The following DPP6 variants were observed in gnomAD, a reference collection of about 807,000 sequenced individuals.
DPP6 encodes the protein A-type potassium channel modulatory protein DPP6.
Under a neutral mutation model 122.6 loss-of-function variants are expected in DPP6, and 69 were observed. The ratio of observed to expected loss-of-function variants is 0.56; its 90% CI spans 0.46 to 0.69. The LOEUF (loss-of-function observed/expected upper bound fraction) is 0.69. Among genes scored for constraint, DPP6 ranks in the 30% least tolerant of loss-of-function variants. The pLI is 0.00. For missense variants in DPP6, 928 were observed against 1,116.9 expected (o/e 0.83, Z 2.41); for synonymous variants, 418 against 433.1 (o/e 0.97, Z 0.43).
intron 1 of DPP6, among the ~76,000 whole-genome samples, chr7:154,394,540 CT>C (rs1255223604): frequency 6.6e-6 from 1 of 151,704 alleles, no homozygotes; most frequent in African/African-American, 2.4e-5. Context: ...TGTGGGTTGC[CT>C]TTTTATTCTA....
chr7:154,442,594 G>A (rs954267668), intron 1 of DPP6, among the ~76,000 whole-genome samples: 1 of 152,180 alleles, frequency 6.6e-6, no homozygotes, highest in Admixed American at 6.5e-5. Flanking sequence ...TATGAGCGGA[G>A]TAGGGTAGAA....
the DPP6 span, among the ~76,000 whole-genome samples, chr7:153,822,067 C>CCAAGTTAG: frequency 6.6e-6 from 1 of 151,880 alleles, no homozygotes; most frequent in Non-Finnish European, 1.5e-5. Flanking sequence ...TGGCTTATGC[C>CCAAGTTAG]CAAGTTAGCA....
At chr7:153,999,008 G>A (rs1276774578) in intron 1 of DPP6, among the ~76,000 whole-genome samples, 2 of 152,344 alleles carry the variant, frequency 1.3e-5, no homozygotes, top group African/African-American at 2.4e-5. Flanking sequence ...GTGACTTAAC[G>A]TGGCTGGCCG....
intron 1 of DPP6, among the ~76,000 whole-genome samples, chr7:154,306,676 G>A (rs1806375606): frequency 6.6e-6 from 1 of 152,148 alleles, no homozygotes; most frequent in African/African-American, 2.4e-5. Context: ...CCCATTTATC[G>A]ATAAAAGGGG....
At chr7:154,327,999 G>C (rs1425385001) in intron 1 of DPP6, among the ~76,000 whole-genome samples, 1 of 152,144 alleles carries the variant, frequency 6.6e-6, no homozygotes, top group African/African-American at 2.4e-5. Context: ...AGTGCATTTG[G>C]AGTTTGTTTC....
At chr7:154,570,437 C>A (rs1020845658) in intron 5 of DPP6, among the ~76,000 whole-genome samples, 1 of 151,686 alleles carries the variant, frequency 6.6e-6, no homozygotes, top group Non-Finnish European at 1.5e-5. Context: ...CCTATCTGTC[C>A]CCACCTCAGA....
intron 5 of DPP6, among the ~76,000 whole-genome samples, chr7:154,633,833 A>AT (rs1327928140): frequency 6.6e-6 from 1 of 151,980 alleles, no homozygotes; most frequent in African/African-American, 2.4e-5. Flanking sequence ...CCACTTCCCC[A>AT]TTTTTTAAGA....
intron 1 of DPP6, among the ~76,000 whole-genome samples, chr7:153,919,027 C>T (rs1800511693): frequency 6.7e-6 from 1 of 149,826 alleles, no homozygotes; most frequent in Admixed American, 6.7e-5. Context: ...TCAGAACTAT[C>T]CTGTGTGCCT....
chr7:154,490,379 G>T (rs369716410), intron 3 of DPP6, among the ~76,000 whole-genome samples: 1 of 152,170 alleles, frequency 6.6e-6, no homozygotes, highest in Non-Finnish European at 1.5e-5. Flanking sequence ...TCCAAAGCAC[G>T]CAGCCCTCCT....
At chr7:154,419,555 A>G (rs1276929003) in intron 1 of DPP6, among the ~76,000 whole-genome samples, 5 of 152,122 alleles carry the variant, frequency 3.3e-5, no homozygotes, top group Non-Finnish European at 7.4e-5. Flanking sequence ...TGTGCACTTC[A>G]CCAGCGACCT....
rs759823409 is a variant in DPP6, at chr7:154,860,645, C to T, written c.1714+6818C>T. ...TGGCGAAGCATCATACAGAATCCTACAGCCTGTGGCCCTCAAAACCTGGGT... is the reference window on the plus strand; with the variant it reads ...TGGCGAAGCATCATACAGAATCCTATAGCCTGTGGCCCTCAAAACCTGGGT... On this transcript the variant is annotated intron_variant, in intron 17 of 25. Transcript: ENST00000377770. Among the ~76,000 whole-genome samples, 67 of 152,242 alleles carry T rather than the reference C, an allele frequency of 4.4e-4. 1 individual carries two copies. The highest frequency in any genetic ancestry group is 3.4e-4 in the Non-Finnish European group (23 of 68,036).
chr7:154,233,880 C>G (rs1343268541), intron 1 of DPP6, among the ~76,000 whole-genome samples: 1 of 152,150 alleles, frequency 6.6e-6, no homozygotes, highest in African/African-American at 2.4e-5. Context: ...CTTGCATGCA[C>G]AACAGGTATG....
chr7:154,307,897 A>G (rs1806500589), intron 1 of DPP6, among the ~76,000 whole-genome samples: 1 of 148,958 alleles, frequency 6.7e-6, no homozygotes, highest in African/African-American at 2.5e-5. Context: ...TTTTTGAGTG[A>G]GAGAGAGGAT....
At chr7:154,197,550 T>G (rs1157668949) in intron 1 of DPP6, among the ~76,000 whole-genome samples, 2 of 152,140 alleles carry the variant, frequency 1.3e-5, no homozygotes, top group African/African-American at 2.4e-5. Context: ...TAGTCCAGCT[T>G]GGAAGAACAT....
In DPP6 at chr7:154,100,450, G is replaced by A. The variant is rs577035892; in HGVS notation, c.243+47387G>A. Reference sequence around the variant, plus strand: ...TTCTGGATGATTCGCCCCATCCCCCGTCATGCCAAGCCTCTGCCCCACTTC... The same window carrying A: ...TTCTGGATGATTCGCCCCATCCCCCATCATGCCAAGCCTCTGCCCCACTTC... On this transcript the variant is annotated intron_variant, in intron 1 of 25. Transcript: ENST00000377770. Among the ~76,000 whole-genome samples the A allele has an allele frequency of 2.3e-4, 18 of 76,778 alleles. 1 individual carries two copies. The highest frequency in any genetic ancestry group is 8.9e-4 in the African/African-American group (14 of 15,774). 50.4% of individuals were successfully genotyped at this position (76,778 alleles called of 152,430 possible).
intron 1 of DPP6, among the ~76,000 whole-genome samples, chr7:154,252,235 T>TGTGTGTGTGTGTGTGC (rs60245069): frequency 0.024 from 3,543 of 149,372 alleles, 125 homozygotes; most frequent in African/African-American, 0.084. Flanking sequence ...TGTGTGTGTG[T>TGTGTGTGTGTGTGTGC]GCGCGCATGC....
intron 16 of DPP6, among the ~76,000 whole-genome samples, chr7:154,846,627 T>G (rs746786239): frequency 2.6e-5 from 4 of 152,238 alleles, no homozygotes; most frequent in Non-Finnish European, 5.9e-5. Context: ...AGATGCAGTC[T>G]TACCCGTGTG....
At chr7:154,350,449 G>A (rs888610540) in intron 1 of DPP6, among the ~76,000 whole-genome samples, 20 of 152,114 alleles carry the variant, frequency 1.3e-4, no homozygotes, top group African/African-American at 3.1e-4. Flanking sequence ...GTGGTATGGC[G>A]TGCTAAGTCG....
chr7:154,140,311 C>T lies in DPP6; in HGVS notation c.243+87248C>T, dbSNP rs532867214. The stretch of plus-strand genomic sequence containing the variant: ...TTATGAAAGACACAGCAAATGTCCC[C>T]AAATAATTGATTTTATTCACACCAA... On this transcript the variant is annotated intron_variant, in intron 1 of 25. Coordinates refer to ENST00000377770, the MANE Select transcript of DPP6 (RefSeq NM_130797.4). 3.3e-5 allele frequency among the ~76,000 whole-genome samples: 5 copies of T among 152,216 alleles called. No individual in the cohort carries two copies. In the South Asian group the frequency reaches 1.0e-3, roughly 32 times the overall value.
Sources: allele counts gnomAD v4.1 joint callset (sites outside exome capture counted in the v4.1 genomes callset), GRCh38; gene constraint gnomAD v4.1.1; transcripts MANE v1.5; gene names NCBI Gene and HGNC (gene_info 2026-07-23, HGNC 2026-07-21).